The following PSMD5 variants were observed in gnomAD, a reference collection of about 807,000 sequenced individuals.
The protein encoded by PSMD5 is 26S proteasome non-ATPase regulatory subunit 5.
Under a neutral mutation model 52.1 loss-of-function variants are expected in PSMD5, and 40 were observed. The observed-to-expected ratio is 0.77, with a 90% confidence interval of 0.60 to 1.00. The LOEUF (loss-of-function observed/expected upper bound fraction) is 1.00, where lower values mean the gene tolerates loss of function less well. PSMD5 is among the 50% of genes least tolerant of loss of function. The probability of loss-of-function intolerance (pLI) is 0.00; values close to 1 mark genes in which losing one functional copy is unlikely to be tolerated. For synonymous variants in PSMD5, 211 were observed against 226.6 expected, an observed-to-expected ratio of 0.93 and a Z score of 0.62; for missense variants, 575 against 605.2, an observed-to-expected ratio of 0.95 and a Z score of 0.52.
At chr9:120,835,658 G>A (rs906952726) in intron 1 of PSMD5, among the ~76,000 whole-genome samples, 3 of 152,066 alleles carry the variant, frequency 2.0e-5, no homozygotes, top group Non-Finnish European at 4.4e-5. Flanking sequence ...GAACCCAGGA[G>A]GCGGCAGTTG....
intron 2 of PSMD5, among the ~76,000 whole-genome samples, chr9:120,832,801 T>G (rs2045170537): frequency 6.6e-6 from 1 of 152,192 alleles, no homozygotes; most frequent in Non-Finnish European, 1.5e-5. Flanking sequence ...TAGCAGCAGC[T>G]CTTCACTCAA....
chr9:120,840,863 C>A (rs2045230238), intron 1 of PSMD5, among the ~76,000 whole-genome samples: 1 of 152,120 alleles, frequency 6.6e-6, no homozygotes, highest in South Asian at 2.1e-4. Context: ...TGTGATCCAC[C>A]CGCCTCGGCC....
chr9:120,833,142 AC>A (rs1211744012), intron 2 of PSMD5, among the ~76,000 whole-genome samples, 169 bp downstream of exon 2: 1 of 151,448 alleles, frequency 6.6e-6, no homozygotes, highest in East Asian at 1.9e-4. Flanking sequence ...TTAGCTATGC[AC>A]ATTGGAATAG....
In PSMD5 at chr9:120,820,892, T is replaced by C. The variant is rs1027258364; in HGVS notation, c.1204A>G (p.Ile402Val). Reference protein sequence around the residue: ...SRDPLELFRGISSQPFPELHC... With the variant: ...SRDPLELFRGVSSQPFPELHC... ...AGTTCAGGGAAGGGCTGACTACTAATGCCACGGAAGAGCTCCAGTGGATCC... is the reference window on the plus strand; with the variant it reads ...AGTTCAGGGAAGGGCTGACTACTAACGCCACGGAAGAGCTCCAGTGGATCC... The change falls in exon 9 of 10, where the codon ATT (isoleucine) becomes GTT (valine). Residue 402 changes from isoleucine to valine, a missense_variant. By Grantham distance (29) the Ile-to-Val change is conservative. Coordinates refer to ENST00000210313, the MANE Select transcript of PSMD5 (RefSeq NM_005047.4). The C allele has an allele frequency of 6.2e-6, 10 of 1,608,570 alleles. No homozygotes were observed. The highest frequency in any genetic ancestry group is 1.7e-5 in the Admixed American group (1 of 57,732).
Position 120,820,924 on chromosome 9 carries a change from AAAG to A in PSMD5, c.1169_1171del (p.Ser390del), listed in dbSNP as rs2045079727. On this transcript the variant is annotated inframe_deletion, in exon 9 of 10. Coordinates refer to ENST00000210313, the MANE Select transcript of PSMD5 (RefSeq NM_005047.4). ...GAAGAGCTCCAGTGGATCCCGAGATAAAGAAGAAAACCAGGATTCTGTCATCCT... is the reference window on the plus strand; with the variant it reads ...GAAGAGCTCCAGTGGATCCCGAGATAAAGAAAACCAGGATTCTGTCATCCT... 2 of 1,608,450 alleles carry A rather than the reference AAAG, an allele frequency of 1.2e-6. No homozygotes were observed. The highest frequency in any genetic ancestry group is 1.7e-6 in the Non-Finnish European group (2 of 1,178,606).
chr9:120,839,925 AGCCT>A (rs1466260600), intron 1 of PSMD5, among the ~76,000 whole-genome samples: 3 of 149,338 alleles, frequency 2.0e-5, no homozygotes, highest in African/African-American at 7.4e-5. Flanking sequence ...GTTCGACACC[AGCCT>A]GGCCAACATG....
In PSMD5 at chr9:120,821,419, TTTGA is replaced by T; in HGVS notation, c.1048_1051del (p.Ser350ArgfsTer7). ...AATTTTTAGCTCCACTGGGGCATTC[TTTGA>T]TTGATGTCCTATTCTCATAAGCAAG... On this transcript the variant is annotated frameshift_variant, in exon 8 of 10. Coordinates refer to ENST00000210313, the MANE Select transcript of PSMD5 (RefSeq NM_005047.4). LOFTEE classifies it high-confidence loss of function. 1 of 1,610,692 alleles carries T rather than the reference TTTGA, an allele frequency of 6.2e-7. No individual in the cohort carries two copies. The highest frequency in any genetic ancestry group is 8.5e-7 in the Non-Finnish European group (1 of 1,178,480).
At chr9:120,820,799 T>TA (rs1355469738) in intron 9 of PSMD5, 40 bp downstream of exon 9, 14 of 1,516,220 alleles carry the variant, frequency 9.2e-6, no homozygotes, top group Non-Finnish European at 1.1e-5. Flanking sequence ...AGTGTTGAGC[T>TA]GGCAGGGTCC....
rs1349638108 is a variant in PSMD5 at position 120,835,517 on chromosome 9, G to A, written c.174-2061C>T. Among the ~76,000 whole-genome samples the A allele has an allele frequency of 3.3e-5, 5 of 152,102 alleles. 1 individual carries two copies. The highest frequency in any genetic ancestry group is 3.3e-4 in the Admixed American group (5 of 15,268). On this transcript the variant is annotated intron_variant, in intron 1 of 9. Transcript: ENST00000210313. ...TAGCAGGTGGGTCACCTGAGGTCAGGAGTTCAAGACCAGACTGGCCAACAT... is the reference window on the plus strand; with the variant it reads ...TAGCAGGTGGGTCACCTGAGGTCAGAAGTTCAAGACCAGACTGGCCAACAT...
chr9:120,819,709 C>A (rs570794428), intron 9 of PSMD5, among the ~76,000 whole-genome samples: 1 of 152,060 alleles, frequency 6.6e-6, no homozygotes, highest in African/African-American at 2.4e-5. Flanking sequence ...TGGTGGTGGG[C>A]GCCCGTAGGC....
rs778210571 is a variant in PSMD5 at position 120,831,416 on chromosome 9, AG to A, written c.475del (p.Leu159TrpfsTer13). The A allele has an allele frequency of 5.6e-6, 9 of 1,612,546 alleles. No homozygotes were observed. In the Admixed American group the frequency reaches 1.5e-4, roughly 27 times the overall value. ...CAGATTGCTTTCAAATAAAGCCTCC[AG>A]TCCAGCTTGGGTTAGTGATATTCTT... ...LSRISLTQAG[L>X]EALFESNLLD... On this transcript the variant is annotated frameshift_variant, in exon 4 of 10. Coordinates refer to ENST00000210313, the MANE Select transcript of PSMD5 (RefSeq NM_005047.4). LOFTEE classifies it high-confidence loss of function.
intron 4 of PSMD5, among the ~76,000 whole-genome samples, 184 bp from the exon 5 acceptor site, chr9:120,829,392 T>A (rs761926252): frequency 1.3e-5 from 2 of 151,950 alleles, no homozygotes; most frequent in Non-Finnish European, 2.9e-5. Context: ...TTGGCACAGA[T>A]TATTATTATT....
chr9:120,823,352 G>A (rs1451476791), intron 7 of PSMD5, among the ~76,000 whole-genome samples: 31 of 150,592 alleles, frequency 2.1e-4, no homozygotes, highest in Admixed American at 2.0e-3. Flanking sequence ...GGGACTGCAG[G>A]CATGCACCAC....
intron 1 of PSMD5, among the ~76,000 whole-genome samples, chr9:120,837,989 G>C (rs887552495): frequency 3.3e-4 from 50 of 152,208 alleles, no homozygotes; most frequent in African/African-American, 1.2e-3. Flanking sequence ...TATGCTATGT[G>C]AAGGAAACCA....
intron 5 of PSMD5, among the ~76,000 whole-genome samples, chr9:120,828,832 G>A (rs914563388): frequency 1.3e-5 from 2 of 152,180 alleles, no homozygotes; most frequent in African/African-American, 4.8e-5. Flanking sequence ...CCACATGATT[G>A]CAACTTTTTA....
rs2045078788 is a variant in PSMD5 at position 120,820,866 on chromosome 9, T to C, written c.1230A>G (p.Leu410=). The C allele has an allele frequency of 1.9e-6, 3 of 1,600,806 alleles. No individual in the cohort carries two copies. Among genetic ancestry groups the C allele is most frequent in the Admixed American group, 1.8e-5 (1 of 54,922 alleles). The change falls in exon 9 of 10, where the codon CTA becomes CTG. Residue 410 remains leucine, a synonymous_variant. Transcript: ENST00000210313. ...RGISSQPFPE[L]HCAALKVFTA... The stretch of plus-strand genomic sequence containing the variant: ...TAAACACTTTTAAGGCAGCACAGTG[T>C]AGTTCAGGGAAGGGCTGACTACTAA...
chr9:120,840,619 C>CT (rs35843505), intron 1 of PSMD5, among the ~76,000 whole-genome samples: 14,644 of 116,106 alleles, frequency 0.13, 1,074 homozygotes, highest in Non-Finnish European at 0.16. Flanking sequence ...CTAATTTTTG[C>CT]TTTTTTTTTT....
intron 5 of PSMD5, 82 bp downstream of exon 5, chr9:120,829,017 T>C (rs2045142285): frequency 4.3e-6 from 6 of 1,399,286 alleles, no homozygotes; most frequent in South Asian, 1.7e-5. Context: ...AAGTCTCTAA[T>C]AGAGAAAATC....
intron 1 of PSMD5, among the ~76,000 whole-genome samples, chr9:120,837,785 G>A (rs148363127): frequency 2.0e-5 from 3 of 152,290 alleles, no homozygotes; most frequent in Admixed American, 1.3e-4. Context: ...ATATTTTTAT[G>A]TAAAGACTTG....
Sources: allele counts gnomAD v4.1 joint callset (sites outside exome capture counted in the v4.1 genomes callset), GRCh38; gene constraint gnomAD v4.1.1; transcripts MANE v1.5; gene names NCBI Gene and HGNC (gene_info 2026-07-23, HGNC 2026-07-21).